CREB5: variants seen among roughly 807,000 people sequenced by gnomAD.
CREB5 encodes cyclic AMP-responsive element-binding protein 5.
CREB5 carries 19 observed loss-of-function variants against 57.1 expected under a neutral mutation model. The observed-to-expected ratio is 0.33, with a 90% confidence interval of 0.23 to 0.49. The LOEUF (loss-of-function observed/expected upper bound fraction) is 0.49. Ranked by LOEUF, CREB5 falls within the 20% of genes least tolerant of loss-of-function variation. The probability of loss-of-function intolerance (pLI) is 0.99; values close to 1 mark genes in which losing one functional copy is unlikely to be tolerated. For synonymous variants in CREB5, 238 were observed against 238.3 expected (o/e 1.00, Z 0.01); for missense variants, 579 against 671.6 (o/e 0.86, Z 1.52).
At chr7:28,816,797 C>A (rs1298764224) in intron 9 of CREB5, among the ~76,000 whole-genome samples, 1 of 152,184 alleles carries the variant, frequency 6.6e-6, no homozygotes, top group African/African-American at 2.4e-5. Flanking sequence ...TGTTAATCGT[C>A]CTTTTCGGTG....
At chr7:28,676,155 A>C (rs1800312697) in intron 5 of CREB5, among the ~76,000 whole-genome samples, 1 of 152,158 alleles carries the variant, frequency 6.6e-6, no homozygotes, top group African/African-American at 2.4e-5. Flanking sequence ...TGACCAAAGA[A>C]CTAGTTAGGA....
intron 5 of CREB5, among the ~76,000 whole-genome samples, chr7:28,702,053 C>A (rs150334688): frequency 6.6e-6 from 1 of 152,236 alleles, no homozygotes; most frequent in African/African-American, 2.4e-5. Flanking sequence ...CCATGCTAGA[C>A]TTTGAAATCA....
chr7:28,742,559 C>G (rs1250512997), intron 7 of CREB5, among the ~76,000 whole-genome samples: 2 of 140,834 alleles, frequency 1.4e-5, no homozygotes, highest in Admixed American at 1.4e-4. Flanking sequence ...GAGCAAGACT[C>G]CGTCTCAAAA....
At chr7:28,560,887 C>CGTGTGCGTGTGT (rs1795145307) in intron 4 of CREB5, among the ~76,000 whole-genome samples, 1 of 13,122 alleles carries the variant, frequency 7.6e-5, no homozygotes. Context: ...TGCGTGCGTG[C>CGTGTGCGTGTGT]GTGTGTGTGC....
intron 7 of CREB5, among the ~76,000 whole-genome samples, chr7:28,785,171 G>A (rs182902804): frequency 6.3e-4 from 96 of 152,212 alleles, no homozygotes; most frequent in African/African-American, 2.2e-3. Flanking sequence ...ACATCATTAG[G>A]CTTTTCTGTG....
chr7:28,459,037 C>T (rs1439007226), intron 1 of CREB5, among the ~76,000 whole-genome samples: 4 of 152,208 alleles, frequency 2.6e-5, no homozygotes, highest in Non-Finnish European at 5.9e-5. Context: ...CACCCTGTCG[C>T]TTTCCCTGCC....
intron 1 of CREB5, among the ~76,000 whole-genome samples, chr7:28,419,119 G>T (rs1285348635): frequency 6.6e-6 from 1 of 152,154 alleles, no homozygotes; most frequent in Admixed American, 6.5e-5. Flanking sequence ...CTGTGTGTTT[G>T]GTAGTATCCA....
intron 5 of CREB5, among the ~76,000 whole-genome samples, chr7:28,632,508 CCTT>C (rs776955494): frequency 7.2e-5 from 11 of 152,172 alleles, no homozygotes; most frequent in Admixed American, 2.0e-4. Context: ...GGGACAAGCT[CCTT>C]CTTTTCTTTT....
At chr7:28,442,139 A>C (rs1211400574) in intron 1 of CREB5, among the ~76,000 whole-genome samples, 2 of 152,110 alleles carry the variant, frequency 1.3e-5, no homozygotes, top group Non-Finnish European at 2.9e-5. Context: ...TACTTCCATG[A>C]GATTAAACAA....
chr7:28,777,514 A>G (rs940598510), intron 7 of CREB5, among the ~76,000 whole-genome samples: 11 of 152,242 alleles, frequency 7.2e-5, no homozygotes, highest in Admixed American at 3.3e-4. Context: ...GAAGCCTTGT[A>G]TAACTACATT....
At chr7:28,624,309 A>C (rs1797917441) in intron 5 of CREB5, among the ~76,000 whole-genome samples, 1 of 152,228 alleles carries the variant, frequency 6.6e-6, no homozygotes, top group African/African-American at 2.4e-5. Context: ...GAGCCTATCT[A>C]TGTCAGAAGC....
chr7:28,648,252 G>A (rs1798965641), intron 5 of CREB5, among the ~76,000 whole-genome samples: 1 of 152,088 alleles, frequency 6.6e-6, no homozygotes, highest in Non-Finnish European at 1.5e-5. Flanking sequence ...AAGGACCACT[G>A]ATTAGCACCA....
intron 7 of CREB5, among the ~76,000 whole-genome samples, chr7:28,785,960 G>A (rs924122673): frequency 2.6e-5 from 4 of 152,110 alleles, no homozygotes; most frequent in East Asian, 1.9e-4. Context: ...TATCTAGAAC[G>A]TGGTCACGTG....
chr7:28,565,247 AT>A (rs1795431578), intron 4 of CREB5, among the ~76,000 whole-genome samples: 1 of 152,194 alleles, frequency 6.6e-6, no homozygotes, highest in Non-Finnish European at 1.5e-5. Flanking sequence ...TGAGGCAGGA[AT>A]CCTTTTGGTG....
At chr7:28,643,909 C>T (rs894745995) in intron 5 of CREB5, among the ~76,000 whole-genome samples, 1 of 152,062 alleles carries the variant, frequency 6.6e-6, no homozygotes, top group Non-Finnish European at 1.5e-5. Flanking sequence ...AGGGATACCC[C>T]ATCTCCACAA....
intron 1 of CREB5, among the ~76,000 whole-genome samples, chr7:28,389,579 T>C (rs1042096826): frequency 6.6e-6 from 1 of 152,094 alleles, no homozygotes; most frequent in Non-Finnish European, 1.5e-5. Flanking sequence ...AAACCAGTTG[T>C]GGGTTTAAAA....
intron 1 of CREB5, among the ~76,000 whole-genome samples, chr7:28,370,681 G>A (rs540129355): frequency 3.9e-5 from 6 of 152,228 alleles, no homozygotes; most frequent in Admixed American, 2.6e-4. Flanking sequence ...GAAAATGTAC[G>A]CACGTGAACA....
chr7:28,399,892 T>C (rs1033733684), intron 1 of CREB5, among the ~76,000 whole-genome samples: 7 of 151,044 alleles, frequency 4.6e-5, no homozygotes, highest in African/African-American at 1.7e-4. Flanking sequence ...CTGTCTCCAC[T>C]AAAAAAAATA....
Position 28,441,462 on chromosome 7 carries a change from C to G in CREB5, c.3+28545C>G, listed in dbSNP as rs186615500. On this transcript the variant is annotated intron_variant, in intron 1 of 10. Transcript: ENST00000357727. Reference sequence around the variant, plus strand: ...ACCTCCCTTCACTTCAGCTTCCCATCAGTAAAGTCGGGCTAATATTTATTT... The same window carrying G: ...ACCTCCCTTCACTTCAGCTTCCCATGAGTAAAGTCGGGCTAATATTTATTT... 4.5e-3 allele frequency among the ~76,000 whole-genome samples: 684 copies of G among 152,308 alleles called. 5 individuals are homozygous for G. The highest frequency in any genetic ancestry group is 0.016 in the African/African-American group (655 of 41,556).
Sources: gnomAD v4.1 joint callset for allele counts (sites outside exome capture counted in the v4.1 genomes callset) on GRCh38, gnomAD v4.1.1 for gene constraint, MANE v1.5 for transcripts, NCBI Gene and HGNC (gene_info 2026-07-23, HGNC 2026-07-21) for gene names.